The following TAOK1 variants were observed in gnomAD, a reference collection of about 807,000 sequenced individuals.
TAOK1 encodes the protein serine/threonine-protein kinase TAO1.
In TAOK1, 21 loss-of-function variants were observed where a neutral mutation model predicts 138.3. The observed-to-expected ratio is 0.15, with a 90% CI of 0.11 to 0.22. TAOK1 has a LOEUF of 0.22. Among genes scored for constraint, TAOK1 ranks in the 10% least tolerant of loss-of-function variants. The pLI is 1.00. For missense variants in TAOK1, 651 were observed against 1,227.7 expected, an observed-to-expected ratio of 0.53 and a Z score of 7.02; for synonymous variants, 361 against 398.4, an observed-to-expected ratio of 0.91 and a Z score of 1.12.
chr17:29,431,155 T>C (rs1365650198), intron 1 of TAOK1, among the ~76,000 whole-genome samples: 1 of 152,178 alleles, frequency 6.6e-6, no homozygotes, highest in African/African-American at 2.4e-5. Context: ...TCCAAAACAA[T>C]GACCTCCCAG....
At chr17:29,426,081 T>C (rs8081111) in intron 1 of TAOK1, among the ~76,000 whole-genome samples, 97,955 of 151,838 alleles carry the variant, frequency 0.65, 33,464 homozygotes, top group East Asian at 0.97. Flanking sequence ...GGGGTTTCAC[T>C]GTGTTAGCCA....
chr17:29,549,148 T>C lies in TAOK1; in HGVS notation c.*6126T>C, dbSNP rs945117059. On this transcript the variant is annotated 3_prime_UTR_variant, in exon 20 of 20. Coordinates refer to ENST00000261716, the MANE Select transcript of TAOK1 (RefSeq NM_020791.4). ...TTCAAATGAAATGAACTATGCTTAT[T>C]GCTGGCACATTGATCCCATTTCTGG... 2.6e-5 allele frequency: 4 copies of C among 152,190 alleles called. No individual in the cohort carries two copies. The highest frequency in any genetic ancestry group is 9.7e-5 in the African/African-American group (4 of 41,450). 9.4% of individuals were successfully genotyped at this position (152,190 alleles called of 1,614,324 possible).
chr17:29,538,151 T>TA (rs1206256714), intron 19 of TAOK1, among the ~76,000 whole-genome samples: 2 of 139,540 alleles, frequency 1.4e-5, no homozygotes, highest in Non-Finnish European at 3.1e-5. Context: ...GCCAAGCCAA[T>TA]AAAAAAATCT....
At chr17:29,395,798 C>G (rs1249939873) in intron 1 of TAOK1, among the ~76,000 whole-genome samples, 1 of 147,816 alleles carries the variant, frequency 6.8e-6, no homozygotes, top group Non-Finnish European at 1.5e-5. Flanking sequence ...GCTGGCACTA[C>G]AGGTACATGC....
intron 1 of TAOK1, among the ~76,000 whole-genome samples, chr17:29,433,341 G>C (rs1442800385): frequency 1.3e-5 from 2 of 150,718 alleles, no homozygotes; most frequent in Non-Finnish European, 2.9e-5. Flanking sequence ...TGAGGCACGA[G>C]AATTGCTTGA....
intron 1 of TAOK1, among the ~76,000 whole-genome samples, chr17:29,399,568 G>A (rs1904774623): frequency 6.6e-6 from 1 of 152,168 alleles, no homozygotes; most frequent in Admixed American, 6.5e-5. Context: ...GCCCGCCTTG[G>A]CCTCCCAAAG....
intron 19 of TAOK1, among the ~76,000 whole-genome samples, chr17:29,536,772 T>C (rs2150776236): frequency 6.7e-6 from 1 of 148,276 alleles, no homozygotes; most frequent in South Asian, 2.2e-4. Context: ...TGATCTCTGC[T>C]CACTGCAAGC....
intron 13 of TAOK1, among the ~76,000 whole-genome samples, chr17:29,503,395 CAAAAAAAAAAAA>C (rs5819870): frequency 2.4e-5 from 2 of 84,994 alleles, no homozygotes; most frequent in African/African-American, 9.7e-5. Context: ...GACTCTGTCT[CAAAAAAAAAAAA>C]AAAAAAAAAG....
At chr17:29,394,822 A>T (rs1052150714) in intron 1 of TAOK1, among the ~76,000 whole-genome samples, 6 of 152,206 alleles carry the variant, frequency 3.9e-5, no homozygotes, top group African/African-American at 1.4e-4. Flanking sequence ...GGGCTGGGCA[A>T]AGTGGCTCAG....
chr17:29,531,338 G>C (rs1419964778), intron 18 of TAOK1, among the ~76,000 whole-genome samples: 2 of 151,968 alleles, frequency 1.3e-5, no homozygotes, highest in East Asian at 1.9e-4. Context: ...CATTGCAGTA[G>C]TGCGATCTCA....
chr17:29,542,530 T>C, intron 19 of TAOK1, 31 bp from the exon 20 acceptor site: 1 of 1,521,498 alleles, frequency 6.6e-7, no homozygotes, highest in Non-Finnish European at 8.8e-7. Flanking sequence ...AATAATAAAT[T>C]GGCTTTCATT....
intron 13 of TAOK1, among the ~76,000 whole-genome samples, chr17:29,506,652 G>GATTGTTATGCT (rs1461595003): frequency 2.3e-5 from 3 of 131,778 alleles, no homozygotes; most frequent in African/African-American, 7.4e-5. Flanking sequence ...TAAGGTGATG[G>GATTGTTATGCT]ATATGTTAGA....
chr17:29,540,497 T>A (rs2032297413), intron 19 of TAOK1, among the ~76,000 whole-genome samples: 1 of 152,174 alleles, frequency 6.6e-6, no homozygotes, highest in African/African-American at 2.4e-5. Flanking sequence ...CCTGAGTAGC[T>A]GGGATTACAG....
intron 9 of TAOK1, among the ~76,000 whole-genome samples, chr17:29,491,213 G>T (rs903942413): frequency 2.6e-5 from 4 of 152,074 alleles, no homozygotes; most frequent in African/African-American, 9.7e-5. Context: ...CTGAACTCTT[G>T]TCAATAACAC....
intron 1 of TAOK1, among the ~76,000 whole-genome samples, chr17:29,395,329 G>A (rs141321280): frequency 0.011 from 1,674 of 151,968 alleles, 12 homozygotes; most frequent in Middle Eastern, 0.041. Context: ...TCAAGAGTTC[G>A]AAACCAGCCT....
At chr17:29,461,110 A>G (rs1453312310) in intron 2 of TAOK1, among the ~76,000 whole-genome samples, 1 of 152,180 alleles carries the variant, frequency 6.6e-6, no homozygotes, top group Non-Finnish European at 1.5e-5. Context: ...AAATTGTTCT[A>G]AGTCAGATAT....
chr17:29,448,934 G>A (rs1042339440), intron 1 of TAOK1, among the ~76,000 whole-genome samples: 1 of 152,084 alleles, frequency 6.6e-6, no homozygotes, highest in Admixed American at 6.5e-5. Flanking sequence ...AGGATGCTTT[G>A]GGGGCATAAA....
intron 1 of TAOK1, among the ~76,000 whole-genome samples, chr17:29,443,391 A>G (rs74816459): frequency 0.017 from 2,587 of 152,338 alleles, 76 homozygotes; most frequent in African/African-American, 0.059. Context: ...CAAATTTGGA[A>G]CAGTTACTTA....
At chr17:29,443,456 ATTC>A (rs1054423051) in intron 1 of TAOK1, among the ~76,000 whole-genome samples, 35 of 152,296 alleles carry the variant, frequency 2.3e-4, no homozygotes, top group Middle Eastern at 3.4e-3. Flanking sequence ...ATTGGATTTT[ATTC>A]TTGTTTTATC....
Sources: allele counts gnomAD v4.1 joint callset (sites outside exome capture counted in the v4.1 genomes callset), GRCh38; gene constraint gnomAD v4.1.1; transcripts MANE v1.5; gene names NCBI Gene and HGNC (gene_info 2026-07-23, HGNC 2026-07-21).